CFAP70: variants seen among roughly 807,000 people sequenced by gnomAD.
CFAP70 encodes cilia and flagella associated protein 70.
In CFAP70, 81 loss-of-function variants were observed where a neutral mutation model predicts 137.6. The observed-to-expected ratio is 0.59, with a 90% CI of 0.49 to 0.71. The LOEUF (loss-of-function observed/expected upper bound fraction) is 0.71, where lower values mean the gene tolerates loss of function less well. CFAP70 is among the 30% of genes least tolerant of loss of function. The probability of loss-of-function intolerance (pLI) is 0.00; values close to 1 mark genes in which losing one functional copy is unlikely to be tolerated. For synonymous variants in CFAP70, 382 were observed against 423.6 expected, an observed-to-expected ratio of 0.90 and a Z score of 1.20; for missense variants, 976 against 1,226.7, an observed-to-expected ratio of 0.80 and a Z score of 3.05.
chr10:73,354,372 TA>T (rs2054510689), intron 2 of CFAP70, among the ~76,000 whole-genome samples: 1 of 152,214 alleles, frequency 6.6e-6, no homozygotes, highest in South Asian at 2.1e-4. Context: ...TCCTAATTTT[TA>T]GTACATCACA....
intron 8 of CFAP70, among the ~76,000 whole-genome samples, 188 bp downstream of exon 9, chr10:73,330,989 G>C (rs906079914): frequency 6.6e-6 from 1 of 152,132 alleles, no homozygotes; most frequent in Non-Finnish European, 1.5e-5. Flanking sequence ...CACGACAGAG[G>C]ATTTTCCTGG....
chr10:73,300,740 A>G (rs1434232503), intron 12 of CFAP70, among the ~76,000 whole-genome samples: 1 of 152,130 alleles, frequency 6.6e-6, no homozygotes, highest in African/African-American at 2.4e-5. Context: ...GTGTGTGCCT[A>G]TAGTTCCAGC....
Position 73,341,595 on chromosome 10 carries a change from T to A in CFAP70, c.400-14A>T, listed in dbSNP as rs775770470. 6.2e-7 allele frequency: 1 copy of A among 1,607,082 alleles called. No homozygotes were observed. The highest frequency in any genetic ancestry group is 8.5e-7 in the Non-Finnish European group (1 of 1,177,510). On this transcript the variant is annotated splice_polypyrimidine_tract_variant and intron_variant, in intron 5 of 26. Coordinates refer to ENST00000310715, the Ensembl canonical transcript of CFAP70. Reference sequence around the variant, plus strand: ...GGGATAGTCCTTCTACAGAAATAGATACCATATGTCAGGAAAATTTGTAAA... The same window carrying A: ...GGGATAGTCCTTCTACAGAAATAGAAACCATATGTCAGGAAAATTTGTAAA...
intron 2 of CFAP70, 91 bp from the exon 3 acceptor site, chr10:73,353,833 C>T: frequency 8.4e-7 from 1 of 1,185,354 alleles, no homozygotes; most frequent in Non-Finnish European, 1.2e-6. Context: ...GGCTAAATAG[C>T]ATTTTTCATT....
At chr10:73,307,266 A>G (rs138922007) in intron 12 of CFAP70, among the ~76,000 whole-genome samples, 233 of 152,338 alleles carry the variant, frequency 1.5e-3, no homozygotes, top group Non-Finnish European at 2.7e-3. Context: ...AAAATCAGCT[A>G]AATATAAAAA....
At chr10:73,311,912 C>G (rs1442661080) in exon 11 of CFAP70, 1 of 1,613,226 alleles carries the variant, frequency 6.2e-7, no homozygotes, top group Non-Finnish European at 8.5e-7. Flanking sequence ...TACTAGGTGC[C>G]TGCTGAAAGA....
In CFAP70 at chr10:73,358,768, G is replaced by C. The variant is rs2054875844; in HGVS notation, c.-94C>G. On this transcript the variant is annotated 5_prime_UTR_variant, in exon 1 of 27. Transcript: ENST00000310715. ...ACTATAGCAACCAACTACCTCTCGCGAGAACTTACTTTTGGCCATCGCACG... is the reference window on the plus strand; with the variant it reads ...ACTATAGCAACCAACTACCTCTCGCCAGAACTTACTTTTGGCCATCGCACG... 6.6e-6 allele frequency: 1 copy of C among 152,364 alleles called. No homozygotes were observed. The highest frequency in any genetic ancestry group is 6.5e-5 in the Admixed American group (1 of 15,288). 9.4% of individuals were successfully genotyped at this position (152,364 alleles called of 1,614,324 possible).
upstream of CFAP70, among the ~76,000 whole-genome samples, chr10:73,361,363 G>A (rs112604300): frequency 0.046 from 6,848 of 148,960 alleles, 485 homozygotes; most frequent in African/African-American, 0.15. Context: ...TATGATCTCG[G>A]CTCACTGCAA....
intron 9 of CFAP70, among the ~76,000 whole-genome samples, chr10:73,313,836 C>T (rs913949077): frequency 4.0e-5 from 6 of 151,652 alleles, no homozygotes; most frequent in African/African-American, 9.7e-5. Flanking sequence ...AGTGAGACTC[C>T]GTCTCAAAAA....
At chr10:73,259,304 C>T (rs1006224108) in intron 25 of CFAP70, among the ~76,000 whole-genome samples, 3 of 152,158 alleles carry the variant, frequency 2.0e-5, no homozygotes, top group Non-Finnish European at 2.9e-5. Context: ...TTAATTTTTG[C>T]CAATCTGATG....
At chr10:73,356,570 C>T (rs2054697294) in intron 1 of CFAP70, among the ~76,000 whole-genome samples, 1 of 152,168 alleles carries the variant, frequency 6.6e-6, no homozygotes, top group Admixed American at 6.6e-5. Context: ...CTTGGTGATA[C>T]AAAAGAGAAA....
At chr10:73,323,007 C>A in exon 9 of CFAP70, 1 of 1,613,684 alleles carries the variant, frequency 6.2e-7, no homozygotes, top group African/African-American at 1.3e-5. Context: ...ACATGAAAAG[C>A]TCCCCGAATT....
chr10:73,330,521 A>G (rs1405373789), intron 8 of CFAP70, among the ~76,000 whole-genome samples: 1 of 152,082 alleles, frequency 6.6e-6, no homozygotes, highest in East Asian at 1.9e-4. Flanking sequence ...AAGTTAGCCA[A>G]TACTTACATA....
At chr10:73,355,523 A>C (rs1460094464) in intron 1 of CFAP70, among the ~76,000 whole-genome samples, 1 of 152,216 alleles carries the variant, frequency 6.6e-6, no homozygotes, top group Non-Finnish European at 1.5e-5. Flanking sequence ...TCACGCCTGT[A>C]ATCCCAACAC....
intron 9 of CFAP70, among the ~76,000 whole-genome samples, chr10:73,317,976 C>T (rs1464035217): frequency 6.6e-6 from 1 of 152,150 alleles, no homozygotes; most frequent in Non-Finnish European, 1.5e-5. Context: ...GCACCGCTCT[C>T]CTCTCTTTTA....
intron 21 of CFAP70, chr10:73,276,105 G>GTTTTTTTTTT (rs756867610): frequency 1.5e-5 from 2 of 132,740 alleles, no homozygotes; most frequent in African/African-American, 6.6e-5. Context: ...TTTGTATTTT[G>GTTTTTTTTTT]TTTTTTTTTT....
At chr10:73,286,721 A>T (rs2047745718) in intron 19 of CFAP70, among the ~76,000 whole-genome samples, 1 of 152,230 alleles carries the variant, frequency 6.6e-6, no homozygotes, top group African/African-American at 2.4e-5. Flanking sequence ...TAGAGTGTGG[A>T]GTGGAAAATT....
chr10:73,262,319 G>A (rs1014767413), intron 25 of CFAP70, among the ~76,000 whole-genome samples: 2 of 151,988 alleles, frequency 1.3e-5, no homozygotes, highest in African/African-American at 4.8e-5. Context: ...TATACCCACT[G>A]TAGACGCTAC....
At position 73,291,928 on chromosome 10, in the gene CFAP70, T is replaced by G. The variant is rs199903879; in HGVS notation, c.1857A>C (p.Gln619His). The G allele has an allele frequency of 2.0e-5, 33 of 1,614,106 alleles. No homozygotes were observed. Among genetic ancestry groups the G allele is most frequent in the Non-Finnish European group, 2.7e-5 (32 of 1,180,024 alleles). Residue 619 changes from glutamine (Q) to histidine (H), a missense_variant, in exon 17 of 27, where the codon CAA becomes CAC. Gln to His is a conservative substitution (Grantham distance 24, BLOSUM62 0). Transcript: ENST00000310715. ...GGGAAAGGGCTTTCTGAAAACACTC[T>G]TGTGCTTTGATGTTGTCTTCAGTTA... is the stretch of plus-strand genomic sequence containing the variant.
Sources: gnomAD v4.1 joint callset for allele counts (sites outside exome capture counted in the v4.1 genomes callset) on GRCh38, gnomAD v4.1.1 for gene constraint, MANE v1.5 for transcripts, NCBI Gene and HGNC (gene_info 2026-07-23, HGNC 2026-07-21) for gene names.